GNAS: variants seen among roughly 807,000 people sequenced by gnomAD.
The protein encoded by GNAS is GNAS complex locus.
A neutral mutation model predicts 54.5 loss-of-function variants in GNAS; 8 were observed. The ratio of observed to expected loss-of-function variants is 0.15; its 90% CI spans 0.09 to 0.26. The LOEUF is 0.26. Ranked by LOEUF, GNAS falls within the 10% of genes least tolerant of loss-of-function variation. The pLI, the probability that GNAS is intolerant of heterozygous loss-of-function variation, is 1.00. For missense variants in GNAS, 170 were observed against 529.8 expected, an observed-to-expected ratio of 0.32 and a Z score of 6.67; for synonymous variants, 204 against 191.4, an observed-to-expected ratio of 1.07 and a Z score of -0.54.
In GNAS at chr20:58,903,576, G is replaced by A. The variant is rs781535188; in HGVS notation, c.303G>A (p.Glu101=). 14 of 1,614,190 alleles carry A rather than the reference G, an allele frequency of 8.7e-6. No homozygotes were observed. The South Asian group carries it at 1.4e-4, about 16-fold the overall frequency. The change falls in exon 4 of 13, where the codon GAG becomes GAA. Residue 101 remains glutamate, a synonymous_variant. Coordinates refer to ENST00000371085, the MANE Select transcript of GNAS (RefSeq NM_000516.7). ...AGGACATCAAAAACAACCTGAAAGA[G>A]GCGATTGAAGTACGTGCTGGCTCCT... The part of the protein sequence containing the change: ...KVQDIKNNLK[E]AIETIVAAMS...
chr20:58,895,025 G>A, intron 1 of GNAS: 1 of 160,526 alleles, frequency 6.2e-6, no homozygotes, highest in South Asian at 1.8e-4. Flanking sequence ...GCAGTTTTAG[G>A]GGTGGATTTT....
intron 1 of GNAS, among the ~76,000 whole-genome samples, chr20:58,882,129 C>G (rs1362422594): frequency 1.3e-5 from 2 of 152,142 alleles, no homozygotes; most frequent in Non-Finnish European, 2.9e-5. Context: ...AGTGCAGTGG[C>G]GCGATCTCGG....
chr20:58,889,140 C>T, upstream of GNAS: 1 of 1,201,512 alleles, frequency 8.3e-7, no homozygotes, highest in Middle Eastern at 3.6e-4. Flanking sequence ...GGGGCGTCAT[C>T]GGGGCCGGTT....
At position 58,892,144 on chromosome 20, in the gene GNAS, TCGC is replaced by T; in HGVS notation, c.139+280_139+282del. On this transcript the variant is annotated intron_variant, in intron 1 of 12. Transcript: ENST00000371085. ...CAGTGTCTCTCTCTTGCTCTCGCTC[TCGC>T]TCTCCCCCTCTTTCTCTCTTTCTCT... 3.1e-6 allele frequency: 3 copies of T among 960,530 alleles called. No homozygotes were observed. In the African/African-American group the frequency reaches 5.4e-5, roughly 17 times the overall value. The allele number at this position is 960,530 out of a possible 1,614,324, so 59.5% of individuals were successfully genotyped here.
At chr20:58,895,459 G>T (rs201912672) in intron 1 of GNAS, 153 bp from the exon 2 acceptor site, 20 of 684,858 alleles carry the variant, frequency 2.9e-5, no homozygotes, top group African/African-American at 5.3e-5. Flanking sequence ...TTTTCTCTGC[G>T]TCGAAATGTC....
chr20:58,885,955 C>A (rs550748920), intron 1 of GNAS, among the ~76,000 whole-genome samples: 1 of 152,204 alleles, frequency 6.6e-6, no homozygotes, highest in African/African-American at 2.4e-5. Context: ...TACATTTGCT[C>A]TGGGCTCTTG....
At chr20:58,848,244 G>A (rs577951298) in intron 1 of GNAS, among the ~76,000 whole-genome samples, 152 of 152,186 alleles carry the variant, frequency 1.0e-3, no homozygotes, top group Middle Eastern at 3.4e-3. Context: ...CCTGGGTTTC[G>A]ACAGCCAATC....
intron 1 of GNAS, among the ~76,000 whole-genome samples, chr20:58,844,510 G>A (rs988924393): frequency 2.6e-5 from 4 of 152,164 alleles, no homozygotes; most frequent in African/African-American, 9.7e-5. Flanking sequence ...AGCAGCCCAG[G>A]TTGCTTCTAG....
intron 1 of GNAS, among the ~76,000 whole-genome samples, chr20:58,882,426 C>A (rs931735703): frequency 6.6e-6 from 1 of 152,222 alleles, no homozygotes; most frequent in African/African-American, 2.4e-5. Context: ...AGGCTGAGCA[C>A]GCATGTCTTC....
At chr20:58,854,366 C>T in intron 1 of GNAS, 2 of 1,574,616 alleles carry the variant, frequency 1.3e-6, no homozygotes, top group African/African-American at 1.4e-5. Context: ...CCGCTGATGC[C>T]GCGGAGGGAG....
At chr20:58,874,737 A>C (rs2087696196) in intron 1 of GNAS, among the ~76,000 whole-genome samples, 1 of 152,006 alleles carries the variant, frequency 6.6e-6, no homozygotes, top group Admixed American at 6.5e-5. Context: ...CCTGCCTTCC[A>C]TCTTAGTTCC....
At position 58,856,001 on chromosome 20, in the gene GNAS, G is replaced by C. The variant is rs570663306; in HGVS notation, c.43+15115G>C. ...TGCGCCCGGGCGCTCTGCGGCAAGC[G>C]GTGCGGAGGACACGCGGGGAAGGTG... On this transcript the variant is annotated intron_variant, in intron 1 of 12. Coordinates refer to the GNAS transcript ENST00000306090. The surrounding 1 kb of genome is among the most constrained non-coding windows in gnomAD (Gnocchi z 4.2). The C allele has an allele frequency of 1.5e-4, 37 of 240,096 alleles. No homozygotes were observed. In the South Asian group the frequency reaches 4.0e-3, roughly 26 times the overall value. The allele number at this position is 240,096 out of a possible 1,614,324, so 14.9% of individuals were successfully genotyped here. A position where few individuals can be genotyped will look rare whatever the true frequency, so the allele number is the denominator to read the frequency against.
intron 1 of GNAS, chr20:58,884,704 T>C (rs1354702785): frequency 6.6e-6 from 1 of 152,272 alleles, no homozygotes; most frequent in Non-Finnish European, 1.5e-5. Context: ...ATGAAAATTT[T>C]TCCCCAAGGG....
chr20:58,884,488 A>G (rs987854361), intron 1 of GNAS: 1 of 152,168 alleles, frequency 6.6e-6, no homozygotes, highest in Non-Finnish European at 1.5e-5. Context: ...ACTGCCTCTT[A>G]TTTTTTCCTG....
At chr20:58,844,921 T>C (rs949012392) in intron 1 of GNAS, among the ~76,000 whole-genome samples, 2 of 152,178 alleles carry the variant, frequency 1.3e-5, no homozygotes, top group African/African-American at 2.4e-5. Context: ...TGCTTTACAG[T>C]TGGTTGCAAA....
At chr20:58,896,956 C>G (rs2090124961) in intron 2 of GNAS, among the ~76,000 whole-genome samples, 1 of 152,176 alleles carries the variant, frequency 6.6e-6, no homozygotes, top group South Asian at 2.1e-4. Context: ...TGAACTTTTT[C>G]ACCTTTCAGA....
intron 1 of GNAS, chr20:58,852,936 A>C (rs2086242421): frequency 3.4e-6 from 3 of 885,212 alleles, no homozygotes; most frequent in South Asian, 9.6e-5. Flanking sequence ...AGATCCAAGC[A>C]GGCGGGACTG....
intron 5 of GNAS, among the ~76,000 whole-genome samples, chr20:58,904,005 G>A (rs2090872064): frequency 6.6e-6 from 1 of 152,164 alleles, no homozygotes; most frequent in South Asian, 2.1e-4. Flanking sequence ...TGTTCAAGAT[G>A]GATGAGCAAA....
At chr20:58,898,670 A>G (rs2090315047) in intron 2 of GNAS, 4 of 573,788 alleles carry the variant, frequency 7.0e-6, no homozygotes, top group Admixed American at 3.0e-5. Flanking sequence ...ACAATTATCC[A>G]TCCCTCCTGT....
Sources: allele counts gnomAD v4.1 joint callset (sites outside exome capture counted in the v4.1 genomes callset), GRCh38; gene constraint gnomAD v4.1.1; non-coding constraint Gnocchi (gnomAD v3.1); transcripts MANE v1.5; gene names NCBI Gene and HGNC (gene_info 2026-07-23, HGNC 2026-07-21).